The following MACROD2 variants were observed in gnomAD, a reference collection of about 807,000 sequenced individuals.
MACROD2 encodes ADP-ribose glycohydrolase MACROD2.
In MACROD2, 36 loss-of-function variants were observed where a neutral mutation model predicts 70.4. The ratio of observed to expected loss-of-function variants is 0.51; its 90% CI spans 0.39 to 0.68. The LOEUF (loss-of-function observed/expected upper bound fraction) is 0.68. Ranked by LOEUF, MACROD2 falls within the 30% of genes least tolerant of loss-of-function variation. The probability of loss-of-function intolerance (pLI) is 0.00; values close to 1 mark genes in which losing one functional copy is unlikely to be tolerated. For synonymous variants in MACROD2, 172 were observed against 178.8 expected, an observed-to-expected ratio of 0.96 and a Z score of 0.30; for missense variants, 496 against 538.4, an observed-to-expected ratio of 0.92 and a Z score of 0.78.
intron 6 of MACROD2, among the ~76,000 whole-genome samples, chr20:15,396,440 T>C (rs2045861017): frequency 2.0e-5 from 3 of 152,224 alleles, no homozygotes; most frequent in Admixed American, 1.3e-4. Flanking sequence ...GTGAGCAGCC[T>C]TAATACTGTA....
chr20:15,807,985 A>G (rs894293545), intron 8 of MACROD2, among the ~76,000 whole-genome samples: 4 of 152,156 alleles, frequency 2.6e-5, no homozygotes, highest in Non-Finnish European at 5.9e-5. Context: ...ATTTGCATAA[A>G]AAAGCACTGT....
chr20:14,176,132 A>G (rs1387906027), intron 3 of MACROD2, among the ~76,000 whole-genome samples: 1 of 152,298 alleles, frequency 6.6e-6, no homozygotes, highest in African/African-American at 2.4e-5. Context: ...TAGAATCCAG[A>G]ATGAATCTAA....
chr20:14,721,562 T>G (rs1184518977), intron 5 of MACROD2, among the ~76,000 whole-genome samples: 1 of 152,162 alleles, frequency 6.6e-6, no homozygotes, highest in Non-Finnish European at 1.5e-5. Flanking sequence ...AATTGCCTAT[T>G]GTCTATTATT....
chr20:15,998,078 C>T (rs1420857768), intron 15 of MACROD2, among the ~76,000 whole-genome samples: 2 of 152,098 alleles, frequency 1.3e-5, no homozygotes, highest in Non-Finnish European at 2.9e-5. Context: ...GTTGAATTTG[C>T]TAGTAATTTG....
chr20:15,948,299 C>T (rs1039986010), intron 12 of MACROD2, among the ~76,000 whole-genome samples: 4 of 140,504 alleles, frequency 2.8e-5, no homozygotes, highest in African/African-American at 7.9e-5. Flanking sequence ...GGACAATGAT[C>T]GGCATATAAA....
chr20:15,769,308 C>T (rs970815744), intron 8 of MACROD2, among the ~76,000 whole-genome samples: 14 of 152,184 alleles, frequency 9.2e-5, no homozygotes, highest in Middle Eastern at 3.4e-3. Context: ...CCACCACGCC[C>T]GGCTAATTTT....
intron 6 of MACROD2, among the ~76,000 whole-genome samples, chr20:15,293,398 AT>A (rs1166918773): frequency 6.6e-6 from 1 of 152,210 alleles, no homozygotes; most frequent in East Asian, 1.9e-4. Flanking sequence ...GAGTTTTTCT[AT>A]TTTTTCTAAA....
intron 8 of MACROD2, among the ~76,000 whole-genome samples, chr20:15,718,442 A>G (rs1568991302): frequency 6.6e-6 from 1 of 152,200 alleles, no homozygotes; most frequent in Non-Finnish European, 1.5e-5. Flanking sequence ...TTTTACATAG[A>G]GGTAATGCCG....
At chr20:14,620,666 A>G (rs1047030607) in intron 4 of MACROD2, among the ~76,000 whole-genome samples, 4 of 152,008 alleles carry the variant, frequency 2.6e-5, no homozygotes, top group Admixed American at 1.3e-4. Context: ...GGAGCTGTCT[A>G]TATTAATTAT....
chr20:14,104,042 C>T (rs2054335729), intron 3 of MACROD2, among the ~76,000 whole-genome samples: 1 of 152,144 alleles, frequency 6.6e-6, no homozygotes, highest in South Asian at 2.1e-4. Flanking sequence ...CATACACACA[C>T]ACGCACATAC....
In MACROD2 at chr20:15,331,728, T is replaced by C. The variant is rs533917779; in HGVS notation, c.541-99677T>C. On this transcript the variant is annotated intron_variant, in intron 6 of 17. Transcript: ENST00000684519. ...TCATGTCATTTTCAAGAACTTGCTT[T>C]ATGAATACCTTTTCTTGTACTTTCT... Among the ~76,000 whole-genome samples the C allele has an allele frequency of 3.4e-4, 52 of 151,726 alleles. 3 individuals are homozygous for C. The highest frequency in any genetic ancestry group is 1.2e-3 in the African/African-American group (50 of 41,094).
At chr20:15,172,949 C>T (rs919599866) in intron 5 of MACROD2, among the ~76,000 whole-genome samples, 1 of 151,866 alleles carries the variant, frequency 6.6e-6, no homozygotes, top group Non-Finnish European at 1.5e-5. Context: ...TAAGTTTGCC[C>T]CCATATTTCA....
intron 4 of MACROD2, among the ~76,000 whole-genome samples, chr20:14,531,693 C>T (rs1229070533): frequency 6.6e-6 from 1 of 152,112 alleles, no homozygotes; most frequent in African/African-American, 2.4e-5. Context: ...ACCAGATGTT[C>T]TCATCTATGA....
At chr20:14,454,021 T>A (rs1484228265) in intron 3 of MACROD2, among the ~76,000 whole-genome samples, 5 of 152,040 alleles carry the variant, frequency 3.3e-5, no homozygotes, top group African/African-American at 1.2e-4. Flanking sequence ...GTAATAAAAA[T>A]TCACATTCTT....
At chr20:15,320,990 A>G (rs1229743086) in intron 6 of MACROD2, among the ~76,000 whole-genome samples, 1 of 152,210 alleles carries the variant, frequency 6.6e-6, no homozygotes, top group Non-Finnish European at 1.5e-5. Flanking sequence ...TCGTACTTGT[A>G]TGAAGCTTCT....
At chr20:14,510,765 A>C (rs1476499835) in intron 4 of MACROD2, among the ~76,000 whole-genome samples, 2 of 152,090 alleles carry the variant, frequency 1.3e-5, no homozygotes, top group African/African-American at 2.4e-5. Flanking sequence ...TCCCATGCAT[A>C]GGGTTTTCTT....
At chr20:15,319,064 A>C (rs1331434280) in intron 6 of MACROD2, among the ~76,000 whole-genome samples, 1 of 152,160 alleles carries the variant, frequency 6.6e-6, no homozygotes, top group Admixed American at 6.5e-5. Flanking sequence ...AAAAATTCCA[A>C]AAATCCACAA....
intron 4 of MACROD2, among the ~76,000 whole-genome samples, chr20:14,643,039 T>G (rs2123494960): frequency 6.6e-6 from 1 of 152,286 alleles, no homozygotes; most frequent in East Asian, 1.9e-4. Context: ...GGTTGAATAT[T>G]AATAAAATAA....
At chr20:14,861,392 ACT>A (rs1491551495) in intron 5 of MACROD2, among the ~76,000 whole-genome samples, 1 of 152,058 alleles carries the variant, frequency 6.6e-6, no homozygotes, top group Non-Finnish European at 1.5e-5. Flanking sequence ...TGACGTAATG[ACT>A]TTTTTTTGTG....
Sources: gnomAD v4.1 joint callset for allele counts (sites outside exome capture counted in the v4.1 genomes callset) on GRCh38, gnomAD v4.1.1 for gene constraint, MANE v1.5 for transcripts, NCBI Gene and HGNC (gene_info 2026-07-23, HGNC 2026-07-21) for gene names.